Variants in MMS22L observed in about 807,000 individuals in gnomAD.
MMS22L encodes MMS22 like, DNA repair protein, also known as protein MMS22-like.
MMS22L carries 74 observed loss-of-function variants against 159.1 expected under a neutral mutation model. The ratio of observed to expected loss-of-function variants is 0.47; its 90% confidence interval spans 0.39 to 0.56. The LOEUF (loss-of-function observed/expected upper bound fraction) is 0.56. Among genes scored for constraint, MMS22L ranks in the 20% least tolerant of loss-of-function variants. The pLI, the probability that MMS22L is intolerant of heterozygous loss-of-function variation, is 0.00. For missense variants in MMS22L, 1,351 were observed against 1,422.1 expected (o/e 0.95, Z 0.80); for synonymous variants, 517 against 506.9 (o/e 1.02, Z -0.27).
intron 24 of MMS22L, among the ~76,000 whole-genome samples, chr6:97,147,100 T>C (rs1038930981): frequency 2.0e-5 from 3 of 152,286 alleles, no homozygotes; most frequent in African/African-American, 7.2e-5. Context: ...GATTTTTATA[T>C]ATAAAATGTG....
At chr6:97,241,189 T>C (rs1357987611) in intron 11 of MMS22L, among the ~76,000 whole-genome samples, 1 of 152,170 alleles carries the variant, frequency 6.6e-6, no homozygotes, top group Non-Finnish European at 1.5e-5. Context: ...ATATAAGAAG[T>C]TTTCTCTATT....
chr6:97,281,416 G>A lies in MMS22L; in HGVS notation c.165-54C>T, dbSNP rs527745371. 2.9e-5 allele frequency: 41 copies of A among 1,408,552 alleles called. No homozygotes were observed. In the South Asian group the frequency reaches 4.6e-4, roughly 16 times the overall value. 87.3% of individuals were successfully genotyped at this position (1,408,552 alleles called of 1,614,324 possible). Reference sequence around the variant, plus strand: ...AAAAGTATACTAAGTACCATAATACGACGGCTCTTTTCTTTACATTATTTG... The same window carrying A: ...AAAAGTATACTAAGTACCATAATACAACGGCTCTTTTCTTTACATTATTTG... On this transcript the variant is annotated intron_variant, in intron 2 of 24. Coordinates refer to ENST00000683635, the MANE Select transcript of MMS22L (RefSeq NM_001350599.2).
chr6:97,179,105 T>C (rs1804420954), intron 17 of MMS22L, among the ~76,000 whole-genome samples: 1 of 152,124 alleles, frequency 6.6e-6, no homozygotes, highest in Non-Finnish European at 1.5e-5. Context: ...TTTTTCGTGA[T>C]CAGTTTCTTT....
chr6:97,244,230 G>A (rs1358428701), intron 11 of MMS22L, among the ~76,000 whole-genome samples: 1 of 152,218 alleles, frequency 6.6e-6, no homozygotes, highest in Non-Finnish European at 1.5e-5. Context: ...GAGGGCATCA[G>A]CTGTGGTACT....
intron 9 of MMS22L, among the ~76,000 whole-genome samples, chr6:97,257,356 C>G (rs1562513817): frequency 6.6e-6 from 1 of 152,192 alleles, no homozygotes; most frequent in East Asian, 1.9e-4. Context: ...GTTTCTTCAG[C>G]TTACTTTAAT....
intron 6 of MMS22L, chr6:97,271,122 AT>A (rs1320330249): frequency 6.6e-6 from 1 of 152,102 alleles, no homozygotes; most frequent in Non-Finnish European, 1.5e-5. Flanking sequence ...AAAACAAGAC[AT>A]TTCATATACA....
intron 19 of MMS22L, 105 bp downstream of exon 19, chr6:97,172,958 A>C (rs1803700787): frequency 9.4e-7 from 1 of 1,060,722 alleles, no homozygotes; most frequent in Non-Finnish European, 1.3e-6. Context: ...TACTCTTATG[A>C]TTGTATGGAG....
At chr6:97,165,153 T>C in intron 21 of MMS22L, 93 bp downstream of exon 21, 1 of 1,076,770 alleles carries the variant, frequency 9.3e-7, no homozygotes, top group Non-Finnish European at 1.4e-6. Context: ...ACTAGTATCC[T>C]AAGGGTTGCC....
intron 3 of MMS22L, among the ~76,000 whole-genome samples, chr6:97,280,684 T>C (rs1480865314): frequency 6.6e-6 from 1 of 152,120 alleles, no homozygotes; most frequent in African/African-American, 2.4e-5. Context: ...TGAAACGACA[T>C]GATGCCTAGG....
chr6:97,187,473 T>C (rs1805371856), intron 14 of MMS22L, among the ~76,000 whole-genome samples: 1 of 152,150 alleles, frequency 6.6e-6, no homozygotes, highest in South Asian at 2.1e-4. Context: ...GATAATATGA[T>C]TATTTAAAAC....
intron 14 of MMS22L, among the ~76,000 whole-genome samples, chr6:97,222,571 C>T (rs1809767095): frequency 6.6e-6 from 1 of 152,042 alleles, no homozygotes; most frequent in Non-Finnish European, 1.5e-5. Flanking sequence ...AGTCCACAAC[C>T]TCCCTTAAGT....
intron 10 of MMS22L, among the ~76,000 whole-genome samples, chr6:97,246,897 A>G (rs1421264931): frequency 6.6e-6 from 1 of 152,104 alleles, no homozygotes; most frequent in Non-Finnish European, 1.5e-5. Context: ...AATACAAACC[A>G]TATCAGGAGT....
At chr6:97,282,207 A>G (rs981332780) in intron 2 of MMS22L, 107 bp downstream of exon 2, 10 of 1,156,916 alleles carry the variant, frequency 8.6e-6, no homozygotes, top group Non-Finnish European at 1.2e-5. Flanking sequence ...GCTGATTTAT[A>G]AAACACGACT....
At chr6:97,206,151 T>G (rs1249619434) in intron 14 of MMS22L, among the ~76,000 whole-genome samples, 2 of 152,114 alleles carry the variant, frequency 1.3e-5, no homozygotes, top group African/African-American at 4.8e-5. Context: ...CCTCCAACCC[T>G]CCAAAATCCT....
chr6:97,176,293 A>C (rs533228127), intron 18 of MMS22L, among the ~76,000 whole-genome samples: 26 of 152,052 alleles, frequency 1.7e-4, no homozygotes, highest in Non-Finnish European at 3.8e-4. Flanking sequence ...TCTATGGACT[A>C]CACTTTTGAA....
intron 20 of MMS22L, among the ~76,000 whole-genome samples, chr6:97,166,901 C>A (rs547641166): frequency 2.0e-5 from 3 of 152,014 alleles, no homozygotes; most frequent in Non-Finnish European, 4.4e-5. Context: ...TAGATTAACA[C>A]ACTAAACTTC....
intron 14 of MMS22L, among the ~76,000 whole-genome samples, chr6:97,200,405 G>A (rs1203110316): frequency 6.6e-6 from 1 of 152,036 alleles, no homozygotes; most frequent in Non-Finnish European, 1.5e-5. Flanking sequence ...GATCTGTGGG[G>A]TTTATTATAA....
At chr6:97,194,994 C>T (rs1379084892) in intron 14 of MMS22L, among the ~76,000 whole-genome samples, 1 of 152,108 alleles carries the variant, frequency 6.6e-6, no homozygotes, top group African/African-American at 2.4e-5. Flanking sequence ...AACATACAAC[C>T]ATGTAATACC....
chr6:97,161,861 G>T, intron 22 of MMS22L, 141 bp downstream of exon 22: 1 of 776,952 alleles, frequency 1.3e-6, no homozygotes, highest in Non-Finnish European at 2.0e-6. Context: ...GCTAGCTGGA[G>T]TTTATTCTTT....
Sources: gnomAD v4.1 joint callset for allele counts (sites outside exome capture counted in the v4.1 genomes callset) on GRCh38, gnomAD v4.1.1 for gene constraint, MANE v1.5 for transcripts, NCBI Gene and HGNC (gene_info 2026-07-23, HGNC 2026-07-21) for gene names.